The following BCAT1 variants were observed in gnomAD, a reference collection of about 807,000 sequenced individuals.
BCAT1 encodes branched chain amino acid transaminase 1, also known as branched-chain-amino-acid aminotransferase, cytosolic.
Under a neutral mutation model 52.4 loss-of-function variants are expected in BCAT1, and 48 were observed. That is an observed-to-expected ratio of 0.92 (90% confidence interval 0.73 to 1.16). BCAT1 has a LOEUF of 1.16. Among genes scored for constraint, BCAT1 ranks in the 50% most tolerant of loss-of-function variants. The pLI, the probability that BCAT1 is intolerant of heterozygous loss-of-function variation, is 0.00. For missense variants in BCAT1, 451 were observed against 457.1 expected, an observed-to-expected ratio of 0.99 and a Z score of 0.12; for synonymous variants, 167 against 161.3, an observed-to-expected ratio of 1.04 and a Z score of -0.27.
chr12:24,885,309 T>C (rs1272984915), intron 3 of BCAT1, among the ~76,000 whole-genome samples: 1 of 152,150 alleles, frequency 6.6e-6, no homozygotes, highest in East Asian at 1.9e-4. Context: ...AATTAAAAGA[T>C]ACAGTACTTA....
intron 7 of BCAT1, among the ~76,000 whole-genome samples, chr12:24,836,963 A>C (rs796086363): frequency 0.13 from 13,460 of 104,234 alleles, 1,567 homozygotes; most frequent in Non-Finnish European, 0.17. Context: ...AGAAAAGAGA[A>C]AGAAAGAAAG....
chr12:24,882,558 A>G (rs1942532747), intron 3 of BCAT1, among the ~76,000 whole-genome samples: 1 of 152,110 alleles, frequency 6.6e-6, no homozygotes, highest in African/African-American at 2.4e-5. Context: ...AAAAGACAGA[A>G]AAAGATATAT....
intron 7 of BCAT1, among the ~76,000 whole-genome samples, chr12:24,836,900 A>AAGAGAG (rs1449760925): frequency 2.2e-5 from 1 of 45,590 alleles, no homozygotes; most frequent in African/African-American, 8.4e-5. Flanking sequence ...AAAGAAAGAA[A>AAGAGAG]AGAAAGAGAG....
At chr12:24,932,748 T>TGC (rs1943694001) in intron 1 of BCAT1, among the ~76,000 whole-genome samples, 2 of 152,332 alleles carry the variant, frequency 1.3e-5, no homozygotes, top group South Asian at 2.1e-4. Flanking sequence ...GTGATTCTCC[T>TGC]GCCTCAGCCT....
Position 24,899,695 on chromosome 12 carries a change from T to TA in BCAT1, c.78+2118dup, listed in dbSNP as rs531370829. ...ACACAATGGAATACTACTCAGCCATTAAAAAAGAGTAAAATCGTGTCATTT... is the reference window on the plus strand; with the variant it reads ...ACACAATGGAATACTACTCAGCCATTAAAAAAAGAGTAAAATCGTGTCATTT... On this transcript the variant is annotated intron_variant, in intron 2 of 10. Transcript: ENST00000261192. Among the ~76,000 whole-genome samples, 11 of 150,846 alleles carry TA rather than the reference T, an allele frequency of 7.3e-5. No homozygotes were observed. The East Asian group carries it at 1.9e-3, about 27-fold the overall frequency.
At chr12:24,832,442 C>T (rs1028683692) in intron 9 of BCAT1, among the ~76,000 whole-genome samples, 23 of 152,138 alleles carry the variant, frequency 1.5e-4, no homozygotes, top group African/African-American at 5.3e-4. Flanking sequence ...CGGTGGCGCA[C>T]TCCTGTAATC....
intron 1 of BCAT1, among the ~76,000 whole-genome samples, chr12:24,944,688 C>T (rs1185859306): frequency 6.6e-6 from 1 of 152,196 alleles, no homozygotes. Flanking sequence ...AATCTACACA[C>T]CGAAATAAAG....
chr12:24,874,806 A>G (rs1942280976), intron 5 of BCAT1, among the ~76,000 whole-genome samples: 1 of 152,234 alleles, frequency 6.6e-6, no homozygotes, highest in African/African-American at 2.4e-5. Context: ...TTCTATAAAC[A>G]CAGCAACTAC....
chr12:24,877,876 A>C (rs1443422303), intron 5 of BCAT1, among the ~76,000 whole-genome samples: 2 of 152,190 alleles, frequency 1.3e-5, no homozygotes, highest in Non-Finnish European at 2.9e-5. Context: ...CTCTCCGGTC[A>C]GGTGAAGTGG....
intron 3 of BCAT1, among the ~76,000 whole-genome samples, chr12:24,884,286 T>C (rs1286878745): frequency 2.0e-5 from 3 of 152,172 alleles, no homozygotes; most frequent in Non-Finnish European, 4.4e-5. Flanking sequence ...ATATGTGGAC[T>C]GAAAAAGTCA....
At chr12:24,874,057 G>A (rs911255664) in intron 5 of BCAT1, among the ~76,000 whole-genome samples, 1 of 152,216 alleles carries the variant, frequency 6.6e-6, no homozygotes, top group African/African-American at 2.4e-5. Flanking sequence ...GCTCATGCCT[G>A]TAATCCAGCA....
chr12:24,843,470 G>T (rs2139437758), intron 6 of BCAT1, among the ~76,000 whole-genome samples: 2 of 152,246 alleles, frequency 1.3e-5, no homozygotes, highest in Middle Eastern at 3.4e-3. Flanking sequence ...GGGCGTGGTG[G>T]CGGGTGCCTA....
chr12:24,839,867 C>A (rs780887123), intron 7 of BCAT1, among the ~76,000 whole-genome samples: 2 of 152,160 alleles, frequency 1.3e-5, no homozygotes, highest in Non-Finnish European at 2.9e-5. Context: ...ATCAAAGTTA[C>A]TTCAGAATTG....
intron 1 of BCAT1, among the ~76,000 whole-genome samples, chr12:24,936,162 T>C (rs1334224720): frequency 1.3e-5 from 2 of 152,242 alleles, no homozygotes; most frequent in Non-Finnish European, 1.5e-5. Flanking sequence ...CATTTCCAGG[T>C]ACCAAAATCT....
chr12:24,871,089 C>T (rs1323769925), intron 5 of BCAT1, among the ~76,000 whole-genome samples: 1 of 152,138 alleles, frequency 6.6e-6, no homozygotes, highest in Non-Finnish European at 1.5e-5. Flanking sequence ...CAGTGCCTGA[C>T]AAGTGGGGTC....
intron 5 of BCAT1, among the ~76,000 whole-genome samples, chr12:24,856,669 TC>T (rs1016790448): frequency 6.6e-6 from 1 of 152,144 alleles, no homozygotes; most frequent in African/African-American, 2.4e-5. Flanking sequence ...ATCTTGGACT[TC>T]TAGACTTTGG....
chr12:24,909,269 A>G (rs1398747641), intron 1 of BCAT1, among the ~76,000 whole-genome samples: 1 of 152,180 alleles, frequency 6.6e-6, no homozygotes, highest in Non-Finnish European at 1.5e-5. Flanking sequence ...TGGGAAGACA[A>G]TGACAGATGA....
chr12:24,828,723 T>C (rs1268110456), intron 10 of BCAT1, among the ~76,000 whole-genome samples: 1 of 152,200 alleles, frequency 6.6e-6, no homozygotes, highest in African/African-American at 2.4e-5. Flanking sequence ...AAAAGTATAC[T>C]GGCTGGGCAT....
chr12:24,943,484 C>G, intron 1 of BCAT1, among the ~76,000 whole-genome samples: 1 of 102,296 alleles, frequency 9.8e-6, no homozygotes. Context: ...CAGAATGAGA[C>G]CCTATCTGGA....
Sources: allele counts gnomAD v4.1 joint callset (sites outside exome capture counted in the v4.1 genomes callset), GRCh38; gene constraint gnomAD v4.1.1; transcripts MANE v1.5; gene names NCBI Gene and HGNC (gene_info 2026-07-23, HGNC 2026-07-21).